The following KDM7A variants were observed in gnomAD, a reference collection of about 807,000 sequenced individuals.
KDM7A encodes the protein lysine-specific demethylase 7A.
A neutral mutation model predicts 114.8 loss-of-function variants in KDM7A; 28 were observed. The observed-to-expected ratio is 0.24, with a 90% CI of 0.18 to 0.33. The LOEUF is 0.33. KDM7A is among the 10% of genes least tolerant of loss of function. KDM7A has a pLI of 1.00. For synonymous variants in KDM7A, 423 were observed against 397.8 expected (o/e 1.06, Z -0.75); for missense variants, 942 against 1,142.5 (o/e 0.82, Z 2.53).
chr7:140,176,693 T>C lies in KDM7A; in HGVS notation c.194+51A>G, dbSNP rs778674823. On this transcript the variant is annotated intron_variant, in intron 1 of 19. Transcript: ENST00000397560. This position sits in a 1 kb window ranked among gnomAD's most constrained non-coding sequence, Gnocchi z 4.4. ...CGCGGGCGGCCGGCGGCGGCGGCGG[T>C]TGGTCGGTGGCCGGCGGTGGCGGCT... 2.8e-6 allele frequency: 3 copies of C among 1,086,126 alleles called. No homozygotes were observed. Among genetic ancestry groups the C allele is most frequent in the Admixed American group, 4.2e-5 (1 of 23,820 alleles). 67.3% of individuals were successfully genotyped at this position (1,086,126 alleles called of 1,614,324 possible). A position where few individuals can be genotyped will look rare whatever the true frequency, so the allele number is the denominator to read the frequency against.
In KDM7A at chr7:140,087,860, T is replaced by A. The variant is rs1471366371; in HGVS notation, c.*3234A>T. The A allele has an allele frequency of 2.6e-5, 4 of 152,248 alleles. No homozygotes were observed. Among genetic ancestry groups the A allele is most frequent in the African/African-American group, 9.6e-5 (4 of 41,464 alleles). 9.4% of individuals were successfully genotyped at this position (152,248 alleles called of 1,614,324 possible). ...CTAAAAAAGTCAGCATGTTTTTTAA[T>A]GAACAGGTCCTCTTTTGCTCATGTT... On this transcript the variant is annotated 3_prime_UTR_variant, in exon 20 of 20. Coordinates refer to ENST00000397560, the MANE Select transcript of KDM7A (RefSeq NM_030647.2).
chr7:140,092,259 T>C, intron 18 of KDM7A, 182 bp from the exon 19 acceptor site: 1 of 614,038 alleles, frequency 1.6e-6, no homozygotes, highest in Non-Finnish European at 2.8e-6. Context: ...TCTGAAGGAC[T>C]CGGGTCTTTA....
At chr7:140,110,217 G>A (rs2116769647) in intron 11 of KDM7A, among the ~76,000 whole-genome samples, 1 of 152,174 alleles carries the variant, frequency 6.6e-6, no homozygotes, top group African/African-American at 2.4e-5. Context: ...TTCACAGTAA[G>A]TTTATTCTTC....
At chr7:140,135,860 C>T (rs79485117) in intron 2 of KDM7A, among the ~76,000 whole-genome samples, 8,752 of 150,160 alleles carry the variant, frequency 0.058, 329 homozygotes, top group Non-Finnish European at 0.086. Context: ...ATATAAGAAG[C>T]GTATTTCATA....
At chr7:140,125,402 G>A (rs565470727) in intron 6 of KDM7A, among the ~76,000 whole-genome samples, 33 of 152,324 alleles carry the variant, frequency 2.2e-4, no homozygotes, top group Middle Eastern at 6.8e-3. Context: ...TTAGCCACAT[G>A]TGGCTACTGA....
intron 3 of KDM7A, among the ~76,000 whole-genome samples, chr7:140,133,193 G>A (rs1463393284): frequency 1.3e-5 from 2 of 152,150 alleles, no homozygotes; most frequent in Non-Finnish European, 2.9e-5. Flanking sequence ...AAACAAAACA[G>A]GTAGCAGCTG....
In KDM7A at chr7:140,088,622, G is replaced by C. The variant is rs1475852775; in HGVS notation, c.*2472C>G. The stretch of plus-strand genomic sequence containing the variant: ...ATAAGACGTTTGACCAGGAGTCACT[G>C]GATCAGTGGCCGAATTTTCACCAAT... On this transcript the variant is annotated 3_prime_UTR_variant, in exon 20 of 20. Transcript: ENST00000397560. The C allele has an allele frequency of 1.0e-5, 4 of 397,056 alleles. No individual in the cohort carries two copies. Among genetic ancestry groups the C allele is most frequent in the African/African-American group, 2.1e-5 (1 of 48,564 alleles). 24.6% of individuals were successfully genotyped at this position (397,056 alleles called of 1,614,324 possible).
intron 2 of KDM7A, among the ~76,000 whole-genome samples, chr7:140,135,625 A>G (rs1278274941): frequency 1.3e-5 from 2 of 152,190 alleles, no homozygotes; most frequent in Non-Finnish European, 2.9e-5. Context: ...ATGTAGATAT[A>G]CCATATTATA....
At chr7:140,146,391 T>A (rs1794340445) in intron 1 of KDM7A, among the ~76,000 whole-genome samples, 1 of 152,154 alleles carries the variant, frequency 6.6e-6, no homozygotes, top group Non-Finnish European at 1.5e-5. Flanking sequence ...ACTCCATCCT[T>A]CACTCACTGC....
intron 1 of KDM7A, among the ~76,000 whole-genome samples, chr7:140,165,306 A>G (rs539172715): frequency 3.3e-5 from 5 of 152,346 alleles, no homozygotes; most frequent in Admixed American, 2.0e-4. Context: ...AAAAATTTAG[A>G]AACAATATTT....
chr7:140,129,335 C>T (rs2116806339), intron 4 of KDM7A, among the ~76,000 whole-genome samples, 158 bp downstream of exon 4: 1 of 152,284 alleles, frequency 6.6e-6, no homozygotes, highest in Non-Finnish European at 1.5e-5. Context: ...TGTAGGTCTG[C>T]TGAGAAAAAC....
chr7:140,140,451 G>A (rs1794253340), intron 1 of KDM7A, among the ~76,000 whole-genome samples: 2 of 152,126 alleles, frequency 1.3e-5, no homozygotes, highest in Admixed American at 1.3e-4. Flanking sequence ...AACATCCTAT[G>A]CAAATAACAT....
At chr7:140,096,798 A>G (rs745999611) in intron 16 of KDM7A, 35 bp from the exon 17 acceptor site, 2 of 1,596,878 alleles carry the variant, frequency 1.3e-6, no homozygotes, top group Non-Finnish European at 1.7e-6. Flanking sequence ...ACAAGAGTCT[A>G]TTTTTTCTGA....
At chr7:140,128,962 T>C (rs1818748140) in intron 4 of KDM7A, among the ~76,000 whole-genome samples, 1 of 152,168 alleles carries the variant, frequency 6.6e-6, no homozygotes, top group Admixed American at 6.5e-5. Context: ...ATTTTCAAAA[T>C]CAAAAATTAA....
At chr7:140,167,558 A>C (rs939604187) in intron 1 of KDM7A, among the ~76,000 whole-genome samples, 1 of 152,154 alleles carries the variant, frequency 6.6e-6, no homozygotes, top group Admixed American at 6.5e-5. Context: ...CAACTGGACA[A>C]TTTCTTTTTA....
At chr7:140,130,356 ATGTCTG>A (rs1818765562) in intron 3 of KDM7A, among the ~76,000 whole-genome samples, 1 of 152,156 alleles carries the variant, frequency 6.6e-6, no homozygotes, top group African/African-American at 2.4e-5. Context: ...ACGGTGGCTC[ATGTCTG>A]TAATTTCCAG....
At chr7:140,172,183 C>T (rs1041547067) in intron 1 of KDM7A, among the ~76,000 whole-genome samples, 1 of 152,020 alleles carries the variant, frequency 6.6e-6, no homozygotes, top group African/African-American at 2.4e-5. Flanking sequence ...GCATCTATAC[C>T]CTTTGACCAA....
At chr7:140,142,943 TAATC>T (rs1406348816) in intron 1 of KDM7A, among the ~76,000 whole-genome samples, 1 of 151,834 alleles carries the variant, frequency 6.6e-6, no homozygotes, top group Non-Finnish European at 1.5e-5. Context: ...ATCTACAAGT[TAATC>T]AAGGCGGGCG....
rs1465229341 is a variant in KDM7A, at chr7:140,176,944, A to G, written c.-7T>C. Reference sequence around the variant, plus strand: ...CCGCCGCCGCTCCGGCCATCTTTAAAAAACACACACACGCTCGCTCGCTAC... The same window carrying G: ...CCGCCGCCGCTCCGGCCATCTTTAAGAAACACACACACGCTCGCTCGCTAC... On this transcript the variant is annotated 5_prime_UTR_variant, in exon 1 of 20. Transcript: ENST00000397560. This position sits in a 1 kb window ranked among gnomAD's most constrained non-coding sequence, Gnocchi z 4.4. 33 of 1,147,844 alleles carry G rather than the reference A, an allele frequency of 2.9e-5. No homozygotes were observed. In the East Asian group the frequency reaches 8.4e-4, roughly 29 times the overall value. 71.1% of individuals were successfully genotyped at this position (1,147,844 alleles called of 1,614,324 possible).
Sources: gnomAD v4.1 joint callset for allele counts (sites outside exome capture counted in the v4.1 genomes callset) on GRCh38, gnomAD v4.1.1 for gene constraint, Gnocchi (gnomAD v3.1) non-coding constraint, MANE v1.5 for transcripts, NCBI Gene and HGNC (gene_info 2026-07-23, HGNC 2026-07-21) for gene names.